PINX1: variants seen among roughly 807,000 people sequenced by gnomAD.
The protein encoded by PINX1 is PIN2 (TERF1) interacting telomerase inhibitor 1.
In PINX1, 34 loss-of-function variants were observed where a neutral mutation model predicts 25.4. That is an observed-to-expected ratio of 1.34 (90% CI 1.02 to 1.78). PINX1 has a LOEUF of 1.78. Among genes scored for constraint, PINX1 ranks in the 40% most tolerant of loss-of-function variants. The probability of loss-of-function intolerance (pLI) is 0.00; values close to 1 mark genes in which losing one functional copy is unlikely to be tolerated. For missense variants in PINX1, 592 were observed against 404.9 expected, an observed-to-expected ratio of 1.46 and a Z score of -3.97; for synonymous variants, 197 against 147.7, an observed-to-expected ratio of 1.33 and a Z score of -2.42.
At chr8:10,816,922 G>T (rs1797715837) in intron 6 of PINX1, among the ~76,000 whole-genome samples, 1 of 152,178 alleles carries the variant, frequency 6.6e-6, no homozygotes. Context: ...AGGAGATACT[G>T]ATATTTACAT....
At chr8:10,808,238 TC>T (rs1384631623) in intron 6 of PINX1, among the ~76,000 whole-genome samples, 1 of 152,148 alleles carries the variant, frequency 6.6e-6, no homozygotes, top group Admixed American at 6.5e-5. Context: ...AAAACAGAAG[TC>T]CACATTTTAA....
chr8:10,818,165 C>A (rs958076668), intron 6 of PINX1, among the ~76,000 whole-genome samples: 1 of 152,100 alleles, frequency 6.6e-6, no homozygotes, highest in African/African-American at 2.4e-5. Context: ...GAAGAAAACA[C>A]TGAACTGGAA....
chr8:10,804,599 C>A (rs79618570), intron 6 of PINX1, among the ~76,000 whole-genome samples: 1 of 151,916 alleles, frequency 6.6e-6, no homozygotes, highest in Non-Finnish European at 1.5e-5. Context: ...GGATGCCCTG[C>A]AAGTAGGAAA....
intron 5 of PINX1, among the ~76,000 whole-genome samples, chr8:10,821,414 T>C (rs955763111): frequency 2.6e-5 from 4 of 152,298 alleles, no homozygotes; most frequent in South Asian, 2.1e-4. Context: ...GCCCAGGCGG[T>C]ATGACCTGTT....
intron 3 of PINX1, among the ~76,000 whole-genome samples, chr8:10,832,645 A>G (rs1264272982): frequency 1.3e-5 from 2 of 152,250 alleles, no homozygotes; most frequent in South Asian, 2.1e-4. Flanking sequence ...GCAAAAACTT[A>G]GAAACAAAAC....
At chr8:10,804,453 A>G (rs1802372706) in intron 6 of PINX1, among the ~76,000 whole-genome samples, 1 of 152,180 alleles carries the variant, frequency 6.6e-6, no homozygotes, top group South Asian at 2.1e-4. Context: ...AGGGAAGCAG[A>G]TTAGCGTGAG....
In PINX1 at chr8:10,828,618, C is replaced by A. The variant is rs73662636; in HGVS notation, c.302-2374G>T. Among the ~76,000 whole-genome samples, 1,293 of 152,264 alleles carry A rather than the reference C, an allele frequency of 8.5e-3. 33 individuals carry two copies. Among genetic ancestry groups the A allele is most frequent in the African/African-American group, 0.03 (1,232 of 41,536 alleles). On this transcript the variant is annotated intron_variant, in intron 4 of 6. Coordinates refer to ENST00000314787, the MANE Select transcript of PINX1 (RefSeq NM_017884.6). The stretch of plus-strand genomic sequence containing the variant: ...GAGGGCAGAAGAATCACCTGGTGAG[C>A]GTCTCTACCTTCTCAGCATGCAGGT...
At chr8:10,811,568 G>A (rs1431830878) in intron 6 of PINX1, among the ~76,000 whole-genome samples, 1 of 152,166 alleles carries the variant, frequency 6.6e-6, no homozygotes, top group Non-Finnish European at 1.5e-5. Flanking sequence ...TTCGAGGAAG[G>A]GCTGGGCTGG....
chr8:10,814,345 C>T (rs1037896619), intron 6 of PINX1, among the ~76,000 whole-genome samples: 2 of 152,194 alleles, frequency 1.3e-5, no homozygotes, highest in African/African-American at 4.8e-5. Flanking sequence ...TAGCCGGATT[C>T]AGCAGGGAAA....
chr8:10,825,656 A>G (rs1393481669), intron 5 of PINX1, among the ~76,000 whole-genome samples: 1 of 152,242 alleles, frequency 6.6e-6, no homozygotes. Flanking sequence ...TGGAATGCCT[A>G]CGCTGTGAAA....
Position 10,765,735 on chromosome 8 carries a change from T to G in PINX1, c.653A>C (p.Glu218Ala). ...ERKRGKKRNK[E>A]ATGKDVESYL... The stretch of plus-strand genomic sequence containing the variant: ...ACTTTCCACATCTTTACCTGTGGCC[T>G]CTTTATTTCTTTTCTTCCCCCTTTT... Residue 218 changes from glutamate to alanine, a missense_variant, in exon 7 of 7, where the codon GAG becomes GCG. Coordinates refer to ENST00000314787, the MANE Select transcript of PINX1 (RefSeq NM_017884.6). The G allele has an allele frequency of 6.2e-7, 1 of 1,614,012 alleles. No homozygotes were observed. The highest frequency in any genetic ancestry group is 8.5e-7 in the Non-Finnish European group (1 of 1,179,884).
At chr8:10,830,868 C>T (rs895901816) in intron 4 of PINX1, among the ~76,000 whole-genome samples, 1 of 152,112 alleles carries the variant, frequency 6.6e-6, no homozygotes, top group African/African-American at 2.4e-5. Context: ...GTTGATGTAG[C>T]CACTACAGAA....
intron 6 of PINX1, among the ~76,000 whole-genome samples, chr8:10,803,692 G>A (rs111329020): frequency 0.016 from 2,411 of 152,314 alleles, 48 homozygotes; most frequent in Non-Finnish European, 0.019. Context: ...GATTTATACT[G>A]CATTATGTCA....
chr8:10,831,189 A>G (rs1430776501), intron 4 of PINX1, among the ~76,000 whole-genome samples: 1 of 152,274 alleles, frequency 6.6e-6, no homozygotes, highest in African/African-American at 2.4e-5. Flanking sequence ...AGCCAGGCAC[A>G]GATAAATATC....
At chr8:10,820,761 C>A (rs951262031) in intron 5 of PINX1, among the ~76,000 whole-genome samples, 6 of 152,122 alleles carry the variant, frequency 3.9e-5, no homozygotes, top group African/African-American at 1.4e-4. Flanking sequence ...CACACAGGAT[C>A]TTAATAATTA....
chr8:10,811,814 G>C (rs969847080), intron 6 of PINX1, among the ~76,000 whole-genome samples: 1 of 152,178 alleles, frequency 6.6e-6, no homozygotes, highest in African/African-American at 2.4e-5. Flanking sequence ...CAGCCAACGA[G>C]GCCTCAGAAG....
rs1177730343 is a variant in PINX1 at position 10,834,703 on chromosome 8, T to C, written c.92A>G (p.Gln31Arg). Residue 31 changes from glutamine (Q) to arginine (R), a missense_variant, in exon 2 of 7, where the codon CAG (glutamine) becomes CGG (arginine). Coordinates refer to ENST00000314787, the MANE Select transcript of PINX1 (RefSeq NM_017884.6). ...AWSNDDSKFG[Q>R]RMLEKMGWSK... ...CCACCCCATCTTCTCTAGCATCCGC[T>C]GGCCAAACTTGGAATCGTCATTACT... 1 of 1,614,000 alleles carries C rather than the reference T, an allele frequency of 6.2e-7. No homozygotes were observed. Among genetic ancestry groups the C allele is most frequent in the African/African-American group, 1.3e-5 (1 of 75,050 alleles).
chr8:10,815,426 A>G (rs1381749944), intron 6 of PINX1, among the ~76,000 whole-genome samples: 2 of 152,256 alleles, frequency 1.3e-5, no homozygotes, highest in Non-Finnish European at 2.9e-5. Flanking sequence ...TACTTGGCAT[A>G]GTTTGTTCCA....
chr8:10,768,409 G>C (rs1801125056), intron 6 of PINX1, among the ~76,000 whole-genome samples: 1 of 152,172 alleles, frequency 6.6e-6, no homozygotes, highest in Non-Finnish European at 1.5e-5. Context: ...GGAAATACAA[G>C]ACCATTTTTG....
Sources: allele counts gnomAD v4.1 joint callset (sites outside exome capture counted in the v4.1 genomes callset), GRCh38; gene constraint gnomAD v4.1.1; transcripts MANE v1.5; gene names NCBI Gene and HGNC (gene_info 2026-07-23, HGNC 2026-07-21).